Variants in PA2G4 observed in about 807,000 individuals in gnomAD.
The protein encoded by PA2G4 is proliferation-associated 2G4, also known as proliferation-associated protein 2G4.
PA2G4 carries 8 observed loss-of-function variants against 53.3 expected under a neutral mutation model. That is an observed-to-expected ratio of 0.15 (90% CI 0.09 to 0.27). PA2G4 has a LOEUF of 0.27. Ranked by LOEUF, PA2G4 falls within the 10% of genes least tolerant of loss-of-function variation. The pLI is 1.00. For synonymous variants in PA2G4, 143 were observed against 169.8 expected (o/e 0.84, Z 1.23); for missense variants, 208 against 486.8 (o/e 0.43, Z 5.39).
chr12:56,106,907 G>GA (rs1869313859), intron 2 of PA2G4, 83 bp from the exon 3 acceptor site: 1 of 1,328,256 alleles, frequency 7.5e-7, no homozygotes, highest in African/African-American at 1.5e-5. Context: ...GCAAGACCCT[G>GA]AAAAAATCCT....
At chr12:56,109,142 C>T (rs773120) in intron 5 of PA2G4, 88 bp from the exon 6 acceptor site, 81,523 of 524,598 alleles carry the variant, frequency 0.16, 8,067 homozygotes, top group African/African-American at 0.39. Context: ...AAAAAAAAAA[C>T]GCTCAGTTCT....
At position 56,110,440 on chromosome 12, in the gene PA2G4, A is replaced by G; in HGVS notation, c.671A>G (p.Tyr224Cys). ...EKAEFEVHEV[Y>C]AVDVLVSSGE... ...GCTGAATTTGAGGTACATGAAGTAT[A>G]TGCTGTGGATGTTCTCGTCAGCTCA... The change falls in exon 8 of 13, where the codon TAT becomes TGT. Residue 224 changes from tyrosine (Y) to cysteine (C), a missense_variant. Around this residue, in one of 3 missense-constraint regions of PA2G4, gnomAD observed 143 missense variants for 386.8 expected, o/e 0.37. Transcript: ENST00000303305. The G allele has an allele frequency of 6.2e-7, 1 of 1,612,804 alleles. No homozygotes were observed. Among genetic ancestry groups the G allele is most frequent in the Non-Finnish European group, 8.5e-7 (1 of 1,178,796 alleles).
At position 56,107,199 on chromosome 12, in the gene PA2G4, C is replaced by T; in HGVS notation, c.336C>T (p.Val112=). 1.2e-6 allele frequency: 2 copies of T among 1,613,682 alleles called. No individual in the cohort carries two copies. Among genetic ancestry groups the T allele is most frequent in the Non-Finnish European group, 1.7e-6 (2 of 1,179,700 alleles). ...TCTTGCCTTTCAGTGACCTTGGGGT[C>T]CATGTGGATGGCTTCATCGCTAATG... ...EGDLVKIDLG[V]HVDGFIANVA... The change falls in exon 4 of 13, where the codon GTC becomes GTT. Residue 112 remains valine (V), a synonymous_variant. Transcript: ENST00000303305.
At chr12:56,110,754 T>C in intron 9 of PA2G4, 62 bp downstream of exon 9, 1 of 1,593,044 alleles carries the variant, frequency 6.3e-7, no homozygotes, top group Non-Finnish European at 8.6e-7. Context: ...CCAGGAACAC[T>C]TTTTCCTCTC....
chr12:56,104,785 G>A lies in PA2G4; in HGVS notation c.48G>A (p.Leu16=), dbSNP rs745794728. 6.2e-7 allele frequency: 1 copy of A among 1,614,018 alleles called. No homozygotes were observed. Residue 16 remains leucine, a synonymous_variant, in exon 1 of 13, where the codon CTG becomes CTA. Transcript: ENST00000303305. ...EQQEQTIAED[L]VVTKYKMGGD... ...AGGAGCAAACTATCGCTGAGGACCTGGTCGTGACCAAGTATAAGATGGGGG... is the reference window on the plus strand; with the variant it reads ...AGGAGCAAACTATCGCTGAGGACCTAGTCGTGACCAAGTATAAGATGGGGG...
chr12:56,106,972 A>T lies in PA2G4; in HGVS notation c.218-18A>T, dbSNP rs767945878. The stretch of plus-strand genomic sequence containing the variant: ...CGGGAGACAGCAAGGCAGTAGGCTG[A>T]TGATTCTTTCTTTACAGGTATTGCT... On this transcript the variant is annotated intron_variant, in intron 2 of 12. Coordinates refer to ENST00000303305, the MANE Select transcript of PA2G4 (RefSeq NM_006191.3). 2.5e-6 allele frequency: 4 copies of T among 1,586,436 alleles called. No individual in the cohort carries two copies. In the Admixed American group the frequency reaches 5.0e-5, roughly 20 times the overall value.
chr12:56,106,302 G>A (rs747447755), intron 1 of PA2G4: 4 of 269,790 alleles, frequency 1.5e-5, no homozygotes, highest in Non-Finnish European at 2.1e-5. Flanking sequence ...GTCTTTGCGT[G>A]TATGTGGGGA....
Position 56,109,301 on chromosome 12 carries a change from C to T in PA2G4, c.550+8C>T, listed in dbSNP as rs746071232. On this transcript the variant is annotated splice_region_variant and intron_variant, in intron 6 of 12. Coordinates refer to ENST00000303305, the MANE Select transcript of PA2G4 (RefSeq NM_006191.3). ...ACTGCACGCCAATAGAAGGTGAGAA[C>T]AGATAACAGGGTTGAGGGTCTAAGA... 1 of 1,604,358 alleles carries T rather than the reference C, an allele frequency of 6.2e-7. No homozygotes were observed. The highest frequency in any genetic ancestry group is 2.2e-5 in the East Asian group (1 of 44,636).
At chr12:56,106,017 G>A (rs1347811738) in intron 1 of PA2G4, 1 of 152,182 alleles carries the variant, frequency 6.6e-6, no homozygotes, top group Non-Finnish European at 1.5e-5. Flanking sequence ...TGAGATACTA[G>A]TGGTTTGAAT....
intron 5 of PA2G4, 21 bp from the exon 6 acceptor site, chr12:56,109,209 C>T: frequency 6.4e-7 from 1 of 1,572,726 alleles, no homozygotes; most frequent in Non-Finnish European, 8.7e-7. Flanking sequence ...TCTCACCTTT[C>T]ATTTGATGTT....
chr12:56,111,729 A>T (rs1031582120), intron 12 of PA2G4, among the ~76,000 whole-genome samples, 200 bp downstream of exon 12: 1 of 146,112 alleles, frequency 6.8e-6, no homozygotes, highest in Non-Finnish European at 1.5e-5. Flanking sequence ...TATATATTTT[A>T]AGAGACAGAG....
rs540266394 is a variant in PA2G4, at chr12:56,110,514, TGA to T, written c.708+41_709-40del. On this transcript the variant is annotated intron_variant, in intron 8 of 12. Transcript: ENST00000303305. Reference sequence around the variant, plus strand: ...ACCAGAGTTGGCAAAGAGGGGTGACTGAGAGTGTTCACCAGACCAAATGTTAC... The same window carrying T: ...ACCAGAGTTGGCAAAGAGGGGTGACTGAGTGTTCACCAGACCAAATGTTAC... 83 of 1,613,850 alleles carry T rather than the reference TGA, an allele frequency of 5.1e-5. No homozygotes were observed. In the African/African-American group the frequency reaches 9.9e-4, roughly 19 times the overall value.
chr12:56,109,310 G>C lies in PA2G4; in HGVS notation c.550+17G>C. On this transcript the variant is annotated intron_variant, in intron 6 of 12. Coordinates refer to ENST00000303305, the MANE Select transcript of PA2G4 (RefSeq NM_006191.3). ...CAATAGAAGGTGAGAACAGATAACA[G>C]GGTTGAGGGTCTAAGAATGAGTGGC... 1 of 1,596,826 alleles carries C rather than the reference G, an allele frequency of 6.3e-7. No homozygotes were observed. The highest frequency in any genetic ancestry group is 8.6e-7 in the Non-Finnish European group (1 of 1,167,124).
intron 1 of PA2G4, chr12:56,105,033 C>T (rs1484760489): frequency 1.4e-6 from 1 of 702,962 alleles, no homozygotes; most frequent in East Asian, 2.7e-5. Context: ...AGGTGCGGGT[C>T]GGCGACCAGG....
chr12:56,109,681 C>T (rs1869377978), intron 6 of PA2G4, among the ~76,000 whole-genome samples, 176 bp from the exon 7 acceptor site: 1 of 151,842 alleles, frequency 6.6e-6, no homozygotes, highest in Non-Finnish European at 1.5e-5. Context: ...GGCTTTTGCT[C>T]CCTTGAAGAT....
At chr12:56,109,314 T>G in intron 6 of PA2G4, 21 bp downstream of exon 6, 2 of 1,593,650 alleles carry the variant, frequency 1.3e-6, no homozygotes, top group Non-Finnish European at 1.7e-6. Flanking sequence ...ATAACAGGGT[T>G]GAGGGTCTAA....
intron 1 of PA2G4, among the ~76,000 whole-genome samples, chr12:56,105,268 G>C (rs532191548): frequency 6.6e-4 from 100 of 152,272 alleles, no homozygotes; most frequent in Non-Finnish European, 1.2e-3. Context: ...GGCACGTGTT[G>C]CTGGGTCCCA....
Position 56,110,546 on chromosome 12 carries a change from A to G in PA2G4, c.709-13A>G. 1.2e-6 allele frequency: 2 copies of G among 1,614,070 alleles called. No individual in the cohort carries two copies. Among genetic ancestry groups the G allele is most frequent in the Non-Finnish European group, 1.7e-6 (2 of 1,179,988 alleles). The stretch of plus-strand genomic sequence containing the variant: ...GTTCACCAGACCAAATGTTACTTAA[A>G]TTACTCTTTCAGGCCAAGGATGCAG... On this transcript the variant is annotated splice_polypyrimidine_tract_variant and intron_variant, in intron 8 of 12. Transcript: ENST00000303305.
chr12:56,106,340 A>T (rs2136839122), intron 1 of PA2G4: 1 of 339,882 alleles, frequency 2.9e-6, no homozygotes, highest in Non-Finnish European at 5.3e-6. Flanking sequence ...TCTGAAGTTC[A>T]TAACTCTGTC....
Sources: allele counts gnomAD v4.1 joint callset (sites outside exome capture counted in the v4.1 genomes callset), GRCh38; gene constraint gnomAD v4.1.1; regional missense constraint gnomAD v4.1.1; transcripts MANE v1.5; gene names NCBI Gene and HGNC (gene_info 2026-07-23, HGNC 2026-07-21).